Variants in NMT2 observed in about 807,000 individuals in gnomAD.
NMT2 encodes the protein N-myristoyltransferase 2.
In NMT2, 35 loss-of-function variants were observed where a neutral mutation model predicts 65.4. That is an observed-to-expected ratio of 0.54 (90% CI 0.41 to 0.71). The LOEUF (loss-of-function observed/expected upper bound fraction) is 0.71. Ranked by LOEUF, NMT2 falls within the 30% of genes least tolerant of loss-of-function variation. The pLI is 0.00. For missense variants in NMT2, 489 were observed against 611.3 expected (o/e 0.80, Z 2.11); for synonymous variants, 226 against 231.8 (o/e 0.98, Z 0.23).
Position 15,107,439 on chromosome 10 carries a change from A to G in NMT2, c.*1756T>C. 1.0e-6 allele frequency: 1 copy of G among 985,422 alleles called. No homozygotes were observed. Among genetic ancestry groups the G allele is most frequent in the Non-Finnish European group, 1.2e-6 (1 of 829,928 alleles). The allele number at this position is 985,422 out of a possible 1,614,324, so 61.0% of individuals were successfully genotyped here. On this transcript the variant is annotated 3_prime_UTR_variant, in exon 12 of 12. Transcript: ENST00000378165. The stretch of plus-strand genomic sequence containing the variant: ...GAACTTCCTAGGCACTGGCCCAGTA[A>G]AAGCAGGGAAAAGTATCTACTTTTG...
At chr10:15,124,948 T>C (rs1317890623) in intron 8 of NMT2, among the ~76,000 whole-genome samples, 2 of 152,232 alleles carry the variant, frequency 1.3e-5, no homozygotes, top group Admixed American at 1.3e-4. Context: ...CCTTGATTTA[T>C]GCTGTACTCA....
intron 7 of NMT2, among the ~76,000 whole-genome samples, chr10:15,129,660 A>ATCTTTCTAAGTACTT (rs1280543323): frequency 2.0e-5 from 3 of 152,092 alleles, no homozygotes; most frequent in Non-Finnish European, 4.4e-5. Flanking sequence ...TTCATCTTTC[A>ATCTTTCTAAGTACTT]CATGGAATAG....
intron 2 of NMT2, among the ~76,000 whole-genome samples, chr10:15,139,293 T>TCC (rs1846642257): frequency 7.3e-6 from 1 of 136,208 alleles, no homozygotes; most frequent in Non-Finnish European, 1.6e-5. Flanking sequence ...TCTATCTATC[T>TCC]ATCCATCCAT....
At chr10:15,110,354 C>T (rs1845468138) in intron 10 of NMT2, among the ~76,000 whole-genome samples, 1 of 152,092 alleles carries the variant, frequency 6.6e-6, no homozygotes, top group African/African-American at 2.4e-5. Flanking sequence ...GTGGCTCACG[C>T]CTGTAATCCC....
At chr10:15,140,987 C>T (rs1484472566) in intron 2 of NMT2, 2 of 1,550,754 alleles carry the variant, frequency 1.3e-6, no homozygotes, top group Admixed American at 3.9e-5. Flanking sequence ...AGAGACTTAC[C>T]CATGGCTGCT....
chr10:15,139,851 T>C (rs1181629006), intron 2 of NMT2: 2 of 113,878 alleles, frequency 1.8e-5, no homozygotes, highest in African/African-American at 6.1e-5. Context: ...GCTTGTAGAA[T>C]GGTAACAACT....
chr10:15,117,236 C>T (rs1438879376), intron 9 of NMT2, among the ~76,000 whole-genome samples: 1 of 152,058 alleles, frequency 6.6e-6, no homozygotes, highest in Non-Finnish European at 1.5e-5. Context: ...GTAAGAGTGA[C>T]CCAACATTTG....
chr10:15,148,626 G>T (rs1038532414), intron 1 of NMT2, among the ~76,000 whole-genome samples: 3 of 152,188 alleles, frequency 2.0e-5, no homozygotes, highest in African/African-American at 7.2e-5. Context: ...CTATTATTAT[G>T]ATTGTACTGC....
At chr10:15,168,684 CCGCCGTACTG>C in exon 1 of NMT2, 1 of 1,161,752 alleles carries the variant, frequency 8.6e-7, no homozygotes, top group South Asian at 1.4e-5. Flanking sequence ...CTAGTGCCTC[CCGCCGTACTG>C]CTTGGAGTCG....
Position 15,108,709 on chromosome 10 carries a change from T to G in NMT2, c.*486A>C. The G allele has an allele frequency of 2.0e-6, 2 of 996,802 alleles. No homozygotes were observed. The highest frequency in any genetic ancestry group is 2.4e-6 in the Non-Finnish European group (2 of 838,138). 61.7% of individuals were successfully genotyped at this position (996,802 alleles called of 1,614,324 possible). ...ACAGAAGTGTTGATTCCATAAATGT[T>G]CCCAGTGATACCATGTAAGGTGATA... On this transcript the variant is annotated 3_prime_UTR_variant, in exon 12 of 12. Transcript: ENST00000378165.
chr10:15,155,201 A>G (rs1267896618), intron 1 of NMT2: 1 of 1,535,138 alleles, frequency 6.5e-7, no homozygotes, highest in South Asian at 1.1e-5. Flanking sequence ...CTTTCTCTCC[A>G]GTGCTCAGAG....
Position 15,107,983 on chromosome 10 carries a change from TAG to T in NMT2, c.*1210_*1211del, listed in dbSNP as rs1845364490. Reference sequence around the variant, plus strand: ...GACAGTTTTCATGATAAAATCAGCATAGAGGAGTATGTGCAATTTTGCATAAG... The same window carrying T: ...GACAGTTTTCATGATAAAATCAGCATAGGAGTATGTGCAATTTTGCATAAG... On this transcript the variant is annotated 3_prime_UTR_variant, in exon 12 of 12. Transcript: ENST00000378165. 1.0e-6 allele frequency: 1 copy of T among 985,520 alleles called. No individual in the cohort carries two copies. Among genetic ancestry groups the T allele is most frequent in the Non-Finnish European group, 1.2e-6 (1 of 829,702 alleles). The allele number at this position is 985,520 out of a possible 1,614,324, so 61.0% of individuals were successfully genotyped here. A position where few individuals can be genotyped will look rare whatever the true frequency, so the allele number is the denominator to read the frequency against.
At chr10:15,140,691 C>T (rs777527597) in intron 2 of NMT2, among the ~76,000 whole-genome samples, 3 of 152,006 alleles carry the variant, frequency 2.0e-5, no homozygotes, top group Admixed American at 2.0e-4. Context: ...CTGGTTCTAC[C>T]CTTTTCACTG....
At chr10:15,127,559 A>AAAT (rs1846124016) in intron 8 of NMT2, among the ~76,000 whole-genome samples, 1 of 98,136 alleles carries the variant, frequency 1.0e-5, no homozygotes, top group African/African-American at 8.9e-5. Context: ...AAAAAAAAAA[A>AAAT]AAAAAAAAAA....
chr10:15,109,577 AT>A (rs201069958), intron 11 of NMT2, 124 bp downstream of exon 11: 2,353 of 736,766 alleles, frequency 3.2e-3, no homozygotes, highest in Non-Finnish European at 3.7e-3. Flanking sequence ...TCTCAAAAAA[AT>A]AAATAAATAA....
intron 5 of NMT2, 24 bp from the exon 6 acceptor site, chr10:15,132,957 A>G: frequency 6.2e-7 from 1 of 1,603,304 alleles, no homozygotes; most frequent in Non-Finnish European, 8.5e-7. Flanking sequence ...AGACAAGAAA[A>G]CAGGCACCAG....
At chr10:15,127,587 T>TAAAAATA (rs113163812) in intron 8 of NMT2, among the ~76,000 whole-genome samples, 29 of 87,868 alleles carry the variant, frequency 3.3e-4, no homozygotes, top group Non-Finnish European at 4.0e-4. Context: ...AATAAATAAA[T>TAAAAATA]AAATAAATAA....
intron 1 of NMT2, among the ~76,000 whole-genome samples, chr10:15,161,235 G>C (rs1833186668): frequency 6.6e-6 from 1 of 151,774 alleles, no homozygotes; most frequent in Non-Finnish European, 1.5e-5. Context: ...ATGTGGGAGG[G>C]GAAAAGAATG....
At chr10:15,151,596 G>C (rs1221747031) in intron 1 of NMT2, among the ~76,000 whole-genome samples, 1 of 152,202 alleles carries the variant, frequency 6.6e-6, no homozygotes, top group Non-Finnish European at 1.5e-5. Context: ...ATATCTTTAA[G>C]ATCATTATAT....
Sources: allele counts gnomAD v4.1 joint callset (sites outside exome capture counted in the v4.1 genomes callset), GRCh38; gene constraint gnomAD v4.1.1; transcripts MANE v1.5; gene names NCBI Gene and HGNC (gene_info 2026-07-23, HGNC 2026-07-21).